NPAS3: variants seen among roughly 807,000 people sequenced by gnomAD.
The protein encoded by NPAS3 is neuronal PAS domain protein 3.
NPAS3 carries 14 observed loss-of-function variants against 73.1 expected under a neutral mutation model. The ratio of observed to expected loss-of-function variants is 0.19; its 90% confidence interval spans 0.13 to 0.30. The LOEUF (loss-of-function observed/expected upper bound fraction) is 0.30, where lower values mean the gene tolerates loss of function less well. NPAS3 is among the 10% of genes least tolerant of loss of function. NPAS3 has a pLI of 1.00. For synonymous variants in NPAS3, 620 were observed against 541.5 expected, an observed-to-expected ratio of 1.14 and a Z score of -2.01; for missense variants, 1,096 against 1,250.0, an observed-to-expected ratio of 0.88 and a Z score of 1.86.
intron 5 of NPAS3, among the ~76,000 whole-genome samples, chr14:33,564,743 G>A (rs886338393): frequency 1.3e-5 from 2 of 152,140 alleles, no homozygotes; most frequent in Non-Finnish European, 2.9e-5. Context: ...CATTTTTTCT[G>A]GAAAGTGAGG....
chr14:33,562,599 A>G (rs2055703670), intron 5 of NPAS3, among the ~76,000 whole-genome samples: 1 of 152,202 alleles, frequency 6.6e-6, no homozygotes, highest in East Asian at 1.9e-4. Flanking sequence ...TGCGTATACC[A>G]GTTTATGTAT....
chr14:33,379,329 G>A (rs2046440083), intron 4 of NPAS3, among the ~76,000 whole-genome samples: 1 of 151,928 alleles, frequency 6.6e-6, no homozygotes, highest in Non-Finnish European at 1.5e-5. Flanking sequence ...ATGGATAAGG[G>A]ATATTCAACC....
intron 4 of NPAS3, among the ~76,000 whole-genome samples, chr14:33,423,163 G>T (rs1308149643): frequency 2.0e-5 from 3 of 151,996 alleles, no homozygotes; most frequent in Non-Finnish European, 2.9e-5. Flanking sequence ...GGACAAGTTG[G>T]GTTGTCTGAA....
At chr14:33,728,169 G>C (rs763636060) in intron 6 of NPAS3, among the ~76,000 whole-genome samples, 7 of 152,162 alleles carry the variant, frequency 4.6e-5, no homozygotes, top group Admixed American at 3.9e-4. Context: ...TCACCAAGTA[G>C]TAACCCCTGC....
At chr14:33,491,380 C>T (rs559789492) in intron 4 of NPAS3, among the ~76,000 whole-genome samples, 2 of 152,086 alleles carry the variant, frequency 1.3e-5, no homozygotes, top group Admixed American at 1.3e-4. Flanking sequence ...TCTGGTCCTG[C>T]GTGGGTCAAG....
At chr14:33,566,226 T>TC (rs78749999) in intron 5 of NPAS3, among the ~76,000 whole-genome samples, 44,516 of 151,080 alleles carry the variant, frequency 0.29, 7,049 homozygotes, top group East Asian at 0.59. Context: ...AATTGATTTT[T>TC]CCCCCCCGAA....
intron 7 of NPAS3, among the ~76,000 whole-genome samples, chr14:33,750,127 A>G (rs73260621): frequency 0.021 from 3,156 of 152,212 alleles, 99 homozygotes; most frequent in African/African-American, 0.072. Flanking sequence ...GTGATATTGC[A>G]GAGTGACTCC....
chr14:33,109,634 T>C (rs777715560), intron 2 of NPAS3, among the ~76,000 whole-genome samples: 1 of 152,062 alleles, frequency 6.6e-6, no homozygotes, highest in Non-Finnish European at 1.5e-5. Context: ...GTTTGAGCAA[T>C]TTGGGGCTTC....
chr14:32,972,238 A>G (rs2037464882), intron 1 of NPAS3, among the ~76,000 whole-genome samples: 1 of 152,100 alleles, frequency 6.6e-6, no homozygotes, highest in African/African-American at 2.4e-5. Flanking sequence ...GCGCCTGGCC[A>G]TCAGTGGGAC....
At chr14:33,098,795 A>T (rs2042497005) in intron 2 of NPAS3, among the ~76,000 whole-genome samples, 1 of 152,240 alleles carries the variant, frequency 6.6e-6, no homozygotes, top group Non-Finnish European at 1.5e-5. Context: ...AAATCAGTGA[A>T]GCCATATAAA....
At chr14:33,216,645 G>A (rs144483012) in intron 3 of NPAS3, among the ~76,000 whole-genome samples, 72 of 152,144 alleles carry the variant, frequency 4.7e-4, no homozygotes, top group African/African-American at 1.5e-3. Context: ...CAACTCTCCT[G>A]TTGTAGCATA....
intron 3 of NPAS3, among the ~76,000 whole-genome samples, chr14:33,250,641 T>A (rs778815361): frequency 2.0e-5 from 3 of 152,144 alleles, no homozygotes; most frequent in Non-Finnish European, 4.4e-5. Flanking sequence ...TTATATTTAT[T>A]TGAATGATCT....
chr14:33,739,375 T>C (rs2140675720), intron 7 of NPAS3, among the ~76,000 whole-genome samples: 1 of 152,318 alleles, frequency 6.6e-6, no homozygotes, highest in African/African-American at 2.4e-5. Flanking sequence ...ATATAAAGAA[T>C]TCTAAAGAAA....
chr14:33,392,553 G>T (rs926318142), intron 4 of NPAS3, among the ~76,000 whole-genome samples: 1 of 152,112 alleles, frequency 6.6e-6, no homozygotes, highest in African/African-American at 2.4e-5. Flanking sequence ...AGTTCAAGTA[G>T]GAATTTATCA....
At chr14:33,348,698 T>C (rs1323051489) in intron 3 of NPAS3, among the ~76,000 whole-genome samples, 1 of 152,164 alleles carries the variant, frequency 6.6e-6, no homozygotes, top group Non-Finnish European at 1.5e-5. Context: ...TTCCAGCCAT[T>C]CCTAGAGCCC....
intron 5 of NPAS3, among the ~76,000 whole-genome samples, chr14:33,587,375 G>A (rs1475070593): frequency 6.6e-6 from 1 of 152,146 alleles, no homozygotes; most frequent in Non-Finnish European, 1.5e-5. Flanking sequence ...TATTTAAGAT[G>A]TGATCATAGA....
At chr14:32,981,715 G>C (rs1403540458) in intron 1 of NPAS3, among the ~76,000 whole-genome samples, 5 of 152,036 alleles carry the variant, frequency 3.3e-5, no homozygotes, top group African/African-American at 9.7e-5. Context: ...GTTTTCTTAC[G>C]GCAGCACAAG....
intron 3 of NPAS3, among the ~76,000 whole-genome samples, chr14:33,348,745 C>G (rs2044872860): frequency 8.0e-6 from 1 of 125,184 alleles, no homozygotes; most frequent in South Asian, 2.4e-4. Flanking sequence ...CCGTTCACAT[C>G]TGTGCAGTTA....
chr14:33,005,079 G>A (rs562481838), intron 1 of NPAS3, among the ~76,000 whole-genome samples: 49 of 151,656 alleles, frequency 3.2e-4, no homozygotes, highest in African/African-American at 1.1e-3. Flanking sequence ...GTAAGTAGAC[G>A]GAGTACACTC....
Sources: allele counts gnomAD v4.1 joint callset (sites outside exome capture counted in the v4.1 genomes callset), GRCh38; gene constraint gnomAD v4.1.1; transcripts MANE v1.5; gene names NCBI Gene and HGNC (gene_info 2026-07-23, HGNC 2026-07-21).